ADAM10: variants seen among roughly 807,000 people sequenced by gnomAD.
ADAM10 encodes ADAM metallopeptidase domain 10.
A neutral mutation model predicts 90.1 loss-of-function variants in ADAM10; 17 were observed. The ratio of observed to expected loss-of-function variants is 0.19; its 90% CI spans 0.13 to 0.28. The LOEUF is 0.28. ADAM10 is among the 10% of genes least tolerant of loss of function. The pLI is 1.00. For missense variants in ADAM10, 610 were observed against 914.3 expected (o/e 0.67, Z 4.29); for synonymous variants, 310 against 298.6 (o/e 1.04, Z -0.40).
rs1414477445 is a variant in ADAM10 at position 58,719,921 on chromosome 15, G to C, written c.56-2194C>G. On this transcript the variant is annotated intron_variant, in intron 1 of 15. Coordinates refer to ENST00000260408, the MANE Select transcript of ADAM10 (RefSeq NM_001110.4). ...TTAGAGAGCCTACCAAAGAGGCAAG[G>C]TTCAATAAATTATCCATCATCATCA... is the stretch of plus-strand genomic sequence containing the variant. Among the ~76,000 whole-genome samples the C allele has an allele frequency of 3.3e-5, 5 of 152,200 alleles. No homozygotes were observed. In the East Asian group the frequency reaches 9.7e-4, roughly 29 times the overall value.
At chr15:58,625,540 T>C (rs1164147669) in intron 10 of ADAM10, among the ~76,000 whole-genome samples, 2 of 152,200 alleles carry the variant, frequency 1.3e-5, no homozygotes, top group African/African-American at 2.4e-5. Flanking sequence ...ACTGGATCAT[T>C]TGTGCAGTGC....
intron 2 of ADAM10, among the ~76,000 whole-genome samples, chr15:58,709,852 A>G (rs1898416737): frequency 6.6e-6 from 1 of 152,228 alleles, no homozygotes; most frequent in Non-Finnish European, 1.5e-5. Context: ...AAACAGCCAG[A>G]AAAATACTTT....
intron 4 of ADAM10, among the ~76,000 whole-genome samples, chr15:58,678,824 C>CCAG: frequency 6.6e-6 from 1 of 152,286 alleles, no homozygotes; most frequent in South Asian, 2.1e-4. Flanking sequence ...ATTAGCATTA[C>CCAG]ACAGACTGGC....
At chr15:58,708,982 A>G in intron 2 of ADAM10, among the ~76,000 whole-genome samples, 1 of 152,368 alleles carries the variant, frequency 6.6e-6, no homozygotes, top group Non-Finnish European at 1.5e-5. Flanking sequence ...GGAACTGTAT[A>G]TATGATGACC....
intron 10 of ADAM10, among the ~76,000 whole-genome samples, chr15:58,627,105 G>C (rs1895970505): frequency 2.0e-5 from 3 of 152,102 alleles, no homozygotes; most frequent in Admixed American, 2.0e-4. Flanking sequence ...ATAGTACTCA[G>C]CAATAAAAAG....
chr15:58,685,388 G>C (rs1012850628), intron 2 of ADAM10, among the ~76,000 whole-genome samples: 23 of 151,142 alleles, frequency 1.5e-4, no homozygotes, highest in African/African-American at 5.6e-4. Flanking sequence ...GTGAACCCGG[G>C]GGAGGCAGAG....
chr15:58,645,662 G>A (rs1487105319), intron 6 of ADAM10, among the ~76,000 whole-genome samples: 1 of 152,136 alleles, frequency 6.6e-6, no homozygotes, highest in African/African-American at 2.4e-5. Flanking sequence ...AATGAGGGTT[G>A]AGAAGACACA....
chr15:58,618,683 A>G (rs1280092334), intron 11 of ADAM10, among the ~76,000 whole-genome samples: 1 of 152,216 alleles, frequency 6.6e-6, no homozygotes, highest in Non-Finnish European at 1.5e-5. Context: ...AATCTCATTA[A>G]AAAGTAGACA....
chr15:58,617,163 T>C (rs1895639369), intron 11 of ADAM10, among the ~76,000 whole-genome samples: 1 of 151,918 alleles, frequency 6.6e-6, no homozygotes, highest in Non-Finnish European at 1.5e-5. Context: ...AATGAACAGT[T>C]GGTTTCTTGG....
At chr15:58,641,049 G>C in intron 7 of ADAM10, 89 bp from the exon 8 acceptor site, 2 of 1,223,214 alleles carry the variant, frequency 1.6e-6, no homozygotes, top group Non-Finnish European at 2.4e-6. Flanking sequence ...CGTACACCTG[G>C]ACAATATGCT....
chr15:58,624,411 AAAAC>A (rs575678586), intron 10 of ADAM10, among the ~76,000 whole-genome samples: 36 of 152,370 alleles, frequency 2.4e-4, no homozygotes, highest in African/African-American at 8.7e-4. Context: ...AATTTATAAG[AAAAC>A]AAATAACGAA....
At chr15:58,738,514 C>CAGTT (rs1899504009) in intron 1 of ADAM10, among the ~76,000 whole-genome samples, 1 of 152,192 alleles carries the variant, frequency 6.6e-6, no homozygotes, top group African/African-American at 2.4e-5. Flanking sequence ...CTACACCTAA[C>CAGTT]AGTTACAAGT....
intron 5 of ADAM10, among the ~76,000 whole-genome samples, chr15:58,663,661 A>T (rs1897018146): frequency 6.6e-6 from 1 of 152,266 alleles, no homozygotes; most frequent in East Asian, 1.9e-4. Flanking sequence ...TGATAATTTT[A>T]TAATATTATT....
At chr15:58,628,236 T>C (rs1346849208) in intron 9 of ADAM10, among the ~76,000 whole-genome samples, 6 of 152,200 alleles carry the variant, frequency 3.9e-5, no homozygotes, top group Non-Finnish European at 8.8e-5. Flanking sequence ...AAATAGTCTC[T>C]AACACATATG....
At chr15:58,715,466 A>T (rs1263146445) in intron 2 of ADAM10, among the ~76,000 whole-genome samples, 1 of 152,018 alleles carries the variant, frequency 6.6e-6, no homozygotes, top group African/African-American at 2.4e-5. Flanking sequence ...AGACCACATT[A>T]CATGAGATTT....
chr15:58,597,627 T>C lies in ADAM10; in HGVS notation c.2167A>G (p.Arg723Gly). Residue 723 changes from arginine (R) to glycine (G), a missense_variant, in exon 16 of 16, where the codon AGG (arginine) becomes GGG (glycine). Coordinates refer to ENST00000260408, the MANE Select transcript of ADAM10 (RefSeq NM_001110.4). ...PKPLPGTLKR[R>G]RPPQPIQQPQ... The stretch of plus-strand genomic sequence containing the variant: ...TGCTGAATGGGCTGTGGAGGTCTCC[T>C]CCTCTTTAAAGTGCCTGTGAGCCAC... The C allele has an allele frequency of 6.2e-7, 1 of 1,614,088 alleles. No individual in the cohort carries two copies. The highest frequency in any genetic ancestry group is 8.5e-7 in the Non-Finnish European group (1 of 1,180,006).
intron 4 of ADAM10, chr15:58,676,202 T>G: frequency 4.6e-6 from 2 of 433,014 alleles, no homozygotes; most frequent in South Asian, 3.3e-5. Flanking sequence ...TACAGCTTTC[T>G]TCCATGAGTG....
chr15:58,639,180 T>C (rs1343254100), intron 8 of ADAM10, among the ~76,000 whole-genome samples: 1 of 152,226 alleles, frequency 6.6e-6, no homozygotes, highest in South Asian at 2.1e-4. Context: ...CAAACTTCAC[T>C]GTGCATCAGA....
intron 7 of ADAM10, 112 bp from the exon 8 acceptor site, chr15:58,641,072 A>G: frequency 9.4e-7 from 1 of 1,062,346 alleles, no homozygotes; most frequent in South Asian, 1.3e-5. Context: ...CATGGAAATC[A>G]GGCCTGAATT....
Sources: gnomAD v4.1 joint callset for allele counts (sites outside exome capture counted in the v4.1 genomes callset) on GRCh38, gnomAD v4.1.1 for gene constraint, MANE v1.5 for transcripts, NCBI Gene and HGNC (gene_info 2026-07-23, HGNC 2026-07-21) for gene names.